Variants in DOP1A observed in about 807,000 individuals in gnomAD.
DOP1A encodes protein DOP1A.
Under a neutral mutation model 267.6 loss-of-function variants are expected in DOP1A, and 90 were observed. The observed-to-expected ratio is 0.34, with a 90% CI of 0.28 to 0.40. The LOEUF (loss-of-function observed/expected upper bound fraction) is 0.40, where lower values mean the gene tolerates loss of function less well. Among genes scored for constraint, DOP1A ranks in the 10% least tolerant of loss-of-function variants. DOP1A has a pLI of 1.00. For synonymous variants in DOP1A, 932 were observed against 999.1 expected (o/e 0.93, Z 1.27); for missense variants, 2,437 against 2,900.4 (o/e 0.84, Z 3.67).
rs1583009017 is a variant in DOP1A at position 83,120,728 on chromosome 6, A to G, written c.1036A>G (p.Thr346Ala). ...AGTGAATGGATTTGGAGAAGAGAAC[A>G]CTCTAATGCAGGATCTAAAGCCTTT... Reference protein sequence around the residue: ...LQVNGFGEENTLMQDLKPFRI... With the variant: ...LQVNGFGEENALMQDLKPFRI... Residue 346 changes from threonine to alanine, a missense_variant, in exon 10 of 39, where the codon ACT becomes GCT. Thr to Ala is a moderately conservative substitution (Grantham distance 58). This residue lies in a region of DOP1A where 498 missense variants were observed against 513.5 expected (regional missense o/e 0.97). Coordinates refer to ENST00000349129, the MANE Select transcript of DOP1A (RefSeq NM_015018.4). 12 of 1,584,736 alleles carry G rather than the reference A, an allele frequency of 7.6e-6. No homozygotes were observed. In the East Asian group the frequency reaches 2.7e-4, roughly 36 times the overall value.
chr6:83,155,837 AC>A lies in DOP1A; in HGVS notation c.6452-110del, dbSNP rs958740257. The A allele has an allele frequency of 1.1e-5, 14 of 1,280,856 alleles. No individual in the cohort carries two copies. The African/African-American group carries it at 1.8e-4, about 16-fold the overall frequency. The allele number at this position is 1,280,856 out of a possible 1,614,324, so 79.3% of individuals were successfully genotyped here. A position where few individuals can be genotyped will look rare whatever the true frequency, so the allele number is the denominator to read the frequency against. On this transcript the variant is annotated intron_variant, in intron 33 of 38. Coordinates refer to ENST00000349129, the MANE Select transcript of DOP1A (RefSeq NM_015018.4). ...CCCAGAGAGGGGCATCAAGTTTTGT[AC>A]CCCAAGCTCCTCTCAGTTTTGGATG...
In DOP1A at chr6:83,139,032, A is replaced by G. The variant is rs140360557; in HGVS notation, c.4990A>G (p.Ile1664Val). 9 of 1,613,956 alleles carry G rather than the reference A, an allele frequency of 5.6e-6. No homozygotes were observed. In the African/African-American group the frequency reaches 1.2e-4, roughly 22 times the overall value. Residue 1664 changes from isoleucine to valine, a missense_variant, in exon 21 of 39, where the codon ATC becomes GTC. By Grantham distance (29) the Ile-to-Val change is conservative (BLOSUM62 3). Around this residue, in one of 9 missense-constraint regions of DOP1A, gnomAD observed 307 missense variants for 308.6 expected, o/e 0.99. Transcript: ENST00000349129. ...CKMHPQWIGLITSTLPYMGKV... is the reference protein window; with the variant it reads ...CKMHPQWIGLVTSTLPYMGKV... ...GATGCACCCACAATGGATTGGTTTA[A>G]TCACATCTACTCTGCCTTACATGGG...
chr6:83,085,829 TTA>T (rs1465700006), intron 1 of DOP1A, among the ~76,000 whole-genome samples: 1 of 150,490 alleles, frequency 6.6e-6, no homozygotes, highest in African/African-American at 2.5e-5. Context: ...TTATGTTATG[TTA>T]TGTTATTTTG....
intron 37 of DOP1A, among the ~76,000 whole-genome samples, chr6:83,160,630 T>C (rs1422116566): frequency 6.6e-6 from 1 of 152,128 alleles, no homozygotes; most frequent in Admixed American, 6.5e-5. Flanking sequence ...TGATAATGAA[T>C]TGAACTGAAA....
intron 1 of DOP1A, among the ~76,000 whole-genome samples, chr6:83,075,046 T>G (rs1766837769): frequency 6.6e-6 from 1 of 152,262 alleles, no homozygotes; most frequent in African/African-American, 2.4e-5. Context: ...CGTTGTGTGT[T>G]CTTTCAGATA....
At position 83,125,601 on chromosome 6, in the gene DOP1A, C is replaced by T; in HGVS notation, c.1587C>T (p.Leu529=). The part of the protein sequence containing the change: ...SHLQTLHLSE[L]TDSLRLCSKI... ...TCCAGACATTGCACTTATCTGAACTCACAGATTCTCTCAGACTCTGCTCAA... is the reference window on the plus strand; with the variant it reads ...TCCAGACATTGCACTTATCTGAACTTACAGATTCTCTCAGACTCTGCTCAA... The change falls in exon 15 of 39, where the codon CTC becomes CTT. Residue 529 remains leucine (L), a synonymous_variant. Transcript: ENST00000349129. 1 of 1,613,862 alleles carries T rather than the reference C, an allele frequency of 6.2e-7. No homozygotes were observed. Among genetic ancestry groups the T allele is most frequent in the Non-Finnish European group, 8.5e-7 (1 of 1,179,818 alleles).
intron 38 of DOP1A, chr6:83,166,745 G>C: frequency 8.9e-7 from 1 of 1,128,416 alleles, no homozygotes; most frequent in Non-Finnish European, 1.1e-6. Flanking sequence ...GCACATAGAA[G>C]AAAATAAGCT....
At chr6:83,167,041 T>C in intron 38 of DOP1A, 1 of 985,406 alleles carries the variant, frequency 1.0e-6, no homozygotes, top group Non-Finnish European at 1.2e-6. Context: ...TGTGTTTGTG[T>C]AATTCAGGTG....
intron 38 of DOP1A, chr6:83,166,996 T>C (rs1195800835): frequency 1.0e-6 from 1 of 985,776 alleles, no homozygotes; most frequent in East Asian, 1.1e-4. Flanking sequence ...ACCTGTTCTC[T>C]CTTATCTTTC....
At chr6:83,162,683 AT>A in intron 37 of DOP1A, 106 bp from the exon 38 acceptor site, 1 of 1,306,994 alleles carries the variant, frequency 7.7e-7, no homozygotes, top group African/African-American at 1.5e-5. Context: ...TGGCATTTGA[AT>A]TTTTATAAGC....
Position 83,118,885 on chromosome 6 carries a change from C to G in DOP1A, c.781-3C>G, listed in dbSNP as rs760991326. On this transcript the variant is annotated splice_region_variant and splice_polypyrimidine_tract_variant and intron_variant, in intron 7 of 38. Transcript: ENST00000349129. ...AGTACAACCATATTCCTAACTCTTT[C>G]AGGCCACTCGACCGGATATGATCAG... 1 of 1,613,278 alleles carries G rather than the reference C, an allele frequency of 6.2e-7. No homozygotes were observed. The highest frequency in any genetic ancestry group is 1.7e-5 in the Admixed American group (1 of 59,982).
intron 35 of DOP1A, among the ~76,000 whole-genome samples, chr6:83,157,987 CTTTTA>C (rs914820616): frequency 6.6e-6 from 1 of 151,890 alleles, no homozygotes; most frequent in African/African-American, 2.4e-5. Flanking sequence ...TTTAATCTTT[CTTTTA>C]TTTTTCCTTT....
At chr6:83,166,521 T>C (rs1785671572) in intron 38 of DOP1A, 6 of 680,872 alleles carry the variant, frequency 8.8e-6, no homozygotes, top group Non-Finnish European at 1.6e-5. Context: ...ATCATTTCCA[T>C]AGTCTAAAAT....
intron 10 of DOP1A, 32 bp downstream of exon 10, chr6:83,120,823 T>C (rs1412064498): frequency 1.4e-6 from 2 of 1,382,872 alleles, no homozygotes; most frequent in Admixed American, 4.1e-5. Context: ...CATAAGGTCA[T>C]GTGTGGTACT....
At position 83,151,534 on chromosome 6, in the gene DOP1A, C is replaced by A. The variant is rs372789098; in HGVS notation, c.5838-59C>A. On this transcript the variant is annotated intron_variant, in intron 27 of 38. Coordinates refer to ENST00000349129, the MANE Select transcript of DOP1A (RefSeq NM_015018.4). Reference sequence around the variant, plus strand: ...CTTAACTCATCGTGAGAAATTAGATCGCATTAGTTTCTTTTAGCCTGATAT... The same window carrying A: ...CTTAACTCATCGTGAGAAATTAGATAGCATTAGTTTCTTTTAGCCTGATAT... 402 of 1,364,520 alleles carry A rather than the reference C, an allele frequency of 2.9e-4. 1 individual carries two copies. In the African/African-American group the frequency reaches 5.4e-3, roughly 18 times the overall value. The allele number at this position is 1,364,520 out of a possible 1,614,324, so 84.5% of individuals were successfully genotyped here. A position where few individuals can be genotyped will look rare whatever the true frequency, so the allele number is the denominator to read the frequency against.
At chr6:83,168,943 T>C, downstream of DOP1A, 1 of 1,132,080 alleles carries the variant, frequency 8.8e-7, no homozygotes, top group Non-Finnish European at 1.1e-6. Context: ...GTAGCCTGCA[T>C]GAATTGTTCC....
intron 1 of DOP1A, among the ~76,000 whole-genome samples, chr6:83,079,186 A>T (rs947750087): frequency 1.1e-4 from 17 of 152,172 alleles, no homozygotes; most frequent in African/African-American, 3.9e-4. Context: ...ACCCTTTTTT[A>T]AAAAAGCATC....
At chr6:83,166,163 G>A in intron 38 of DOP1A, 1 of 503,766 alleles carries the variant, frequency 2.0e-6, no homozygotes, top group Non-Finnish European at 3.5e-6. Flanking sequence ...TTTTCACTCA[G>A]CTCATGAGGC....
In DOP1A at chr6:83,151,674, G is replaced by C. The variant is rs1207121232; in HGVS notation, c.5904+15G>C. On this transcript the variant is annotated intron_variant, in intron 28 of 38. Transcript: ENST00000349129. Reference sequence around the variant, plus strand: ...GAGACCTTCAGGTAAGGCAGTCTAAGAGCTGTTGCCAAAACTGTTTCTCAG... The same window carrying C: ...GAGACCTTCAGGTAAGGCAGTCTAACAGCTGTTGCCAAAACTGTTTCTCAG... 2 of 1,590,322 alleles carry C rather than the reference G, an allele frequency of 1.3e-6. No homozygotes were observed. The highest frequency in any genetic ancestry group is 4.5e-5 in the East Asian group (2 of 44,698).
Sources: gnomAD v4.1 joint callset for allele counts (sites outside exome capture counted in the v4.1 genomes callset) on GRCh38, gnomAD v4.1.1 for gene constraint, gnomAD v4.1.1 regional missense constraint, MANE v1.5 for transcripts, NCBI Gene and HGNC (gene_info 2026-07-23, HGNC 2026-07-21) for gene names.